The following COL5A1 variants were observed in gnomAD, a reference collection of about 807,000 sequenced individuals.
COL5A1 encodes collagen alpha-1(V) chain.
Under a neutral mutation model 263.7 loss-of-function variants are expected in COL5A1, and 16 were observed. That is an observed-to-expected ratio of 0.06 (90% CI 0.04 to 0.09). The LOEUF (loss-of-function observed/expected upper bound fraction) is 0.09. Ranked by LOEUF, COL5A1 falls within the 10% of genes least tolerant of loss-of-function variation. The pLI is 1.00. For synonymous variants in COL5A1, 1,012 were observed against 1,004.5 expected, an observed-to-expected ratio of 1.01 and a Z score of -0.14; for missense variants, 2,036 against 2,540.5, an observed-to-expected ratio of 0.80 and a Z score of 4.27.
intron 4 of COL5A1, among the ~76,000 whole-genome samples, chr9:134,724,089 C>T (rs891324907): frequency 3.3e-5 from 5 of 152,118 alleles, no homozygotes; most frequent in Admixed American, 6.5e-5. Context: ...TGGCCTCTTC[C>T]CTGCCACCCT....
chr9:134,820,259 G>A (rs888952639), intron 58 of COL5A1, 36 bp downstream of exon 58: 7 of 1,556,428 alleles, frequency 4.5e-6, no homozygotes, highest in African/African-American at 2.7e-5. Flanking sequence ...GTGGGCTGTC[G>A]AGAGGCATTT....
rs1241165785 is a variant in COL5A1 at position 134,729,192 on chromosome 9, C to T, written c.924+385C>T. 4.6e-5 allele frequency among the ~76,000 whole-genome samples: 7 copies of T among 152,264 alleles called. No homozygotes were observed. In the South Asian group the frequency reaches 6.2e-4, roughly 14 times the overall value. On this transcript the variant is annotated intron_variant, in intron 6 of 65. Transcript: ENST00000371817. ...AGAGAGGAGAGCTCAGGGGCTCCCCCGGGGGGTGACGCAGTCTGAGGTCGG... is the reference window on the plus strand; with the variant it reads ...AGAGAGGAGAGCTCAGGGGCTCCCCTGGGGGGTGACGCAGTCTGAGGTCGG...
rs1412692652 is a variant in COL5A1 at position 134,700,320 on chromosome 9, C to T, written c.491+198C>T. 6.6e-6 allele frequency among the ~76,000 whole-genome samples: 1 copy of T among 152,184 alleles called. No homozygotes were observed. The highest frequency in any genetic ancestry group is 1.9e-4 in the East Asian group (1 of 5,194). Reference sequence around the variant, plus strand: ...TATGGTCTTGATTCATCCTCTGTGGCTCTGGGGAGTCACTTCTCCTCCCTG... The same window carrying T: ...TATGGTCTTGATTCATCCTCTGTGGTTCTGGGGAGTCACTTCTCCTCCCTG... On this transcript the variant is annotated intron_variant, in intron 3 of 65. Transcript: ENST00000371817. The surrounding 1 kb of genome is among the most constrained non-coding windows in gnomAD (Gnocchi z 4.0).
intron 4 of COL5A1, among the ~76,000 whole-genome samples, chr9:134,705,401 G>T (rs549864474): frequency 1.3e-5 from 2 of 152,236 alleles, no homozygotes; most frequent in South Asian, 4.1e-4. Flanking sequence ...CTGCCTCCCA[G>T]CCCCTGAGTC....
At position 134,815,562 on chromosome 9, in the gene COL5A1, T is replaced by C; in HGVS notation, c.4015-14T>C. On this transcript the variant is annotated splice_polypyrimidine_tract_variant and intron_variant, in intron 50 of 65. Coordinates refer to ENST00000371817, the MANE Select transcript of COL5A1 (RefSeq NM_000093.5). ...GCTGATGGCCTTGGCTGCTTCCTTC[T>C]TTCTTCCTTTCAGGGCCCAGTGGGT... The C allele has an allele frequency of 6.2e-7, 1 of 1,612,626 alleles. No homozygotes were observed. The highest frequency in any genetic ancestry group is 8.5e-7 in the Non-Finnish European group (1 of 1,179,484).
chr9:134,748,492 C>T lies in COL5A1; in HGVS notation c.1495-2050C>T, dbSNP rs181242866. 5.9e-5 allele frequency among the ~76,000 whole-genome samples: 9 copies of T among 152,366 alleles called. No individual in the cohort carries two copies. In the East Asian group the frequency reaches 1.7e-3, roughly 29 times the overall value. The stretch of plus-strand genomic sequence containing the variant: ...AGACACTGACCCCAAATCTTAAATG[C>T]AAGGTTTGGTTTGGAATTGATTCCG... On this transcript the variant is annotated intron_variant, in intron 11 of 65. Transcript: ENST00000371817.
chr9:134,787,403 C>T (rs890478590), intron 31 of COL5A1, among the ~76,000 whole-genome samples: 4 of 152,220 alleles, frequency 2.6e-5, no homozygotes, highest in Non-Finnish European at 4.4e-5. Flanking sequence ...ACTCAGTCCC[C>T]TGTGAGAAAT....
At position 134,815,612 on chromosome 9, in the gene COL5A1, G is replaced by A. The variant is rs1190522168; in HGVS notation, c.4051G>A (p.Gly1351Arg). The A allele has an allele frequency of 1.9e-6, 3 of 1,613,646 alleles. No individual in the cohort carries two copies. The highest frequency in any genetic ancestry group is 1.7e-6 in the Non-Finnish European group (2 of 1,179,936). The change falls in exon 51 of 66, where the codon GGA (glycine) becomes AGA (arginine). Residue 1351 changes from glycine (G) to arginine (R), a missense_variant. Physicochemically the swap from Gly to Arg is moderately radical, Grantham distance 125. Around this residue, in one of 3 missense-constraint regions of COL5A1, gnomAD observed 1,078 missense variants for 1,521.4 expected, o/e 0.71. Transcript: ENST00000371817. ...VGFPGDPGPP[G>R]EPGPAGQDGP... ...TTTTCCTGGAGATCCTGGCCCCCCC[G>A]GAGAGCCTGGCCCCGCGGTAGGTGC...
chr9:134,824,905 G>A (rs767983427), intron 62 of COL5A1, 50 bp downstream of exon 62: 5 of 1,570,532 alleles, frequency 3.2e-6, no homozygotes, highest in Middle Eastern at 1.8e-4. Context: ...GCATGGACCT[G>A]CAGGACACAT....
At chr9:134,796,592 G>A (rs527407514) in intron 35 of COL5A1, among the ~76,000 whole-genome samples, 174 bp downstream of exon 35, 3 of 152,282 alleles carry the variant, frequency 2.0e-5, no homozygotes, top group East Asian at 3.9e-4. Context: ...GAACTCTTCC[G>A]TAGGTCAGGG....
In COL5A1 at chr9:134,821,609, G is replaced by C. The variant is rs1410128719; in HGVS notation, c.4555-488G>C. 6.6e-6 allele frequency among the ~76,000 whole-genome samples: 1 copy of C among 152,162 alleles called. No individual in the cohort carries two copies. The highest frequency in any genetic ancestry group is 1.9e-4 in the East Asian group (1 of 5,180). ...GAAGGGGTCTGAGCGGAGGTTCCAC[G>C]CTCCAAGGATGCAGAAAGCACATTT... On this transcript the variant is annotated intron_variant, in intron 58 of 65. Transcript: ENST00000371817. The surrounding 1 kb of genome is among the most constrained non-coding windows in gnomAD (Gnocchi z 4.2).
At chr9:134,695,527 G>C (rs575772245) in intron 2 of COL5A1, among the ~76,000 whole-genome samples, 1 of 152,346 alleles carries the variant, frequency 6.6e-6, no homozygotes, top group South Asian at 2.1e-4. Flanking sequence ...GGAGGCAGCG[G>C]TGGGAGGGTA....
rs574421100 is a variant in COL5A1 at position 134,716,734 on chromosome 9, C to A, written c.655-10532C>A. ...TTCAGGGTGTGCATGAGGCTGTGAC[C>A]TGATCATGCCCCTTCTCTGCACCCA... On this transcript the variant is annotated intron_variant, in intron 4 of 65. Coordinates refer to ENST00000371817, the MANE Select transcript of COL5A1 (RefSeq NM_000093.5). This position sits in a 1 kb window ranked among gnomAD's most constrained non-coding sequence, Gnocchi z 4.5. Among the ~76,000 whole-genome samples the A allele has an allele frequency of 6.6e-6, 1 of 152,276 alleles. No homozygotes were observed. The highest frequency in any genetic ancestry group is 1.9e-4 in the East Asian group (1 of 5,176).
At chr9:134,738,195 G>A (rs1431910140) in intron 9 of COL5A1, among the ~76,000 whole-genome samples, 1 of 152,158 alleles carries the variant, frequency 6.6e-6, no homozygotes, top group Non-Finnish European at 1.5e-5. Flanking sequence ...TCCTCATCTC[G>A]GCGTCTTCAG....
intron 63 of COL5A1, among the ~76,000 whole-genome samples, chr9:134,828,849 AACACACTAC>A (rs1269344274): frequency 2.7e-5 from 4 of 149,852 alleles, no homozygotes; most frequent in Non-Finnish European, 5.9e-5. Flanking sequence ...ATACACCCAT[AACACACTAC>A]ACACACACCA....
At chr9:134,770,551 C>T (rs979045718) in intron 25 of COL5A1, among the ~76,000 whole-genome samples, 1 of 152,212 alleles carries the variant, frequency 6.6e-6, no homozygotes, top group African/African-American at 2.4e-5. Context: ...AATAGATCTA[C>T]CATGCCAAGG....
rs1046121150 is a variant in COL5A1 at position 134,765,383 on chromosome 9, G to A, written c.2035-298G>A. Among the ~76,000 whole-genome samples the A allele has an allele frequency of 2.0e-5, 3 of 152,154 alleles. No homozygotes were observed. Among genetic ancestry groups the A allele is most frequent in the Non-Finnish European group, 4.4e-5 (3 of 68,024 alleles). ...AGCGTCTGCTCACCTGCCCCAGCAA[G>A]TGTCAGAGGAGCCGGTCAGCTTGAA... is the stretch of plus-strand genomic sequence containing the variant. On this transcript the variant is annotated intron_variant, in intron 20 of 65. Transcript: ENST00000371817. This position sits in a 1 kb window ranked among gnomAD's most constrained non-coding sequence, Gnocchi z 5.1.
rs144796976 is a variant in COL5A1 at position 134,810,349 on chromosome 9, C to T, written c.3528+41C>T. On this transcript the variant is annotated intron_variant, in intron 44 of 65. Coordinates refer to ENST00000371817, the MANE Select transcript of COL5A1 (RefSeq NM_000093.5). ...GGGGCGCGCGGCAGCCCCCAGGTCC[C>T]GGGGGGCCTCGTCGCAGGCTGTAGG... 1.3e-3 allele frequency: 2,086 copies of T among 1,600,000 alleles called. 6 individuals are homozygous for T. Among genetic ancestry groups the T allele is most frequent in the South Asian group, 2.8e-3 (256 of 90,676 alleles).
At position 134,842,551 on chromosome 9, in the gene COL5A1, C is replaced by T; in HGVS notation, c.*248C>T. 3.3e-6 allele frequency: 2 copies of T among 597,408 alleles called. No individual in the cohort carries two copies. Among genetic ancestry groups the T allele is most frequent in the Non-Finnish European group, 6.0e-6 (2 of 335,610 alleles). 37.0% of individuals were successfully genotyped at this position (597,408 alleles called of 1,614,324 possible). On this transcript the variant is annotated 3_prime_UTR_variant, in exon 66 of 66. Transcript: ENST00000371817. The surrounding 1 kb of genome is among the most constrained non-coding windows in gnomAD (Gnocchi z 5.8). ...TGCACCCCAGCGCCTGGGCCCGCCC[C>T]ACGCTCTGTCCACACCCACGCGCCC...
Sources: gnomAD v4.1 joint callset for allele counts (sites outside exome capture counted in the v4.1 genomes callset) on GRCh38, gnomAD v4.1.1 for gene constraint, gnomAD v4.1.1 regional missense constraint, Gnocchi (gnomAD v3.1) non-coding constraint, MANE v1.5 for transcripts, NCBI Gene and HGNC (gene_info 2026-07-23, HGNC 2026-07-21) for gene names.